ZDHHC21: variants seen among roughly 807,000 people sequenced by gnomAD.
The protein encoded by ZDHHC21 is zDHHC palmitoyltransferase 21.
ZDHHC21 carries 15 observed loss-of-function variants against 34.6 expected under a neutral mutation model. The ratio of observed to expected loss-of-function variants is 0.43; its 90% CI spans 0.29 to 0.67. ZDHHC21 has a LOEUF of 0.67. ZDHHC21 is among the 30% of genes least tolerant of loss of function. The pLI is 0.14. For missense variants in ZDHHC21, 344 were observed against 327.7 expected, an observed-to-expected ratio of 1.05 and a Z score of -0.38; for synonymous variants, 142 against 101.8, an observed-to-expected ratio of 1.40 and a Z score of -2.38.
Position 14,658,421 on chromosome 9 carries a change from T to C in ZDHHC21, c.504+328A>G, listed in dbSNP as rs187629807. The stretch of plus-strand genomic sequence containing the variant: ...ACTTAAAGGAACCACATGTTAATAA[T>C]TGTATGCTACAACTGCTCTAATGTT... On this transcript the variant is annotated intron_variant, in intron 7 of 9. Coordinates refer to ENST00000380916, the MANE Select transcript of ZDHHC21 (RefSeq NM_178566.6). Among the ~76,000 whole-genome samples the C allele has an allele frequency of 3.0e-4, 45 of 151,684 alleles. 1 individual carries two copies. The South Asian group carries it at 6.5e-3, about 22-fold the overall frequency.
intron 8 of ZDHHC21, among the ~76,000 whole-genome samples, chr9:14,629,812 G>T (rs1435966621): frequency 6.6e-6 from 1 of 152,034 alleles, no homozygotes; most frequent in African/African-American, 2.4e-5. Context: ...ATTTTGGAAG[G>T]CCGAGGCAGG....
intron 3 of ZDHHC21, chr9:14,677,311 C>T (rs1012542821): frequency 2.0e-5 from 3 of 151,876 alleles, no homozygotes; most frequent in African/African-American, 7.3e-5. Context: ...ATTGGTAAAA[C>T]TTAGCTCCAC....
At chr9:14,607,590 T>A (rs1179630079), downstream of ZDHHC21, among the ~76,000 whole-genome samples, 3 of 151,556 alleles carry the variant, frequency 2.0e-5, no homozygotes, top group Non-Finnish European at 4.4e-5. Flanking sequence ...TTTTTTCCAT[T>A]TTGTTCTAGA....
At chr9:14,591,424 C>G in the ZDHHC21 span, among the ~76,000 whole-genome samples, 1 of 152,106 alleles carries the variant, frequency 6.6e-6, no homozygotes, top group Non-Finnish European at 1.5e-5. Context: ...TCATCAAACA[C>G]TGAATCTGCT....
the ZDHHC21 span, among the ~76,000 whole-genome samples, chr9:14,602,899 C>T: frequency 7.6e-6 from 1 of 131,038 alleles, no homozygotes; most frequent in African/African-American, 3.1e-5. Flanking sequence ...ATTCCAGCAG[C>T]CTGGAAAACA....
chr9:14,680,393 C>T (rs994044539), intron 2 of ZDHHC21, among the ~76,000 whole-genome samples: 2 of 151,498 alleles, frequency 1.3e-5, no homozygotes, highest in Admixed American at 6.6e-5. Context: ...CCCATAAAAT[C>T]AAATAAGCAT....
chr9:14,606,878 T>C (rs1823029957), downstream of ZDHHC21, among the ~76,000 whole-genome samples: 1 of 152,086 alleles, frequency 6.6e-6, no homozygotes, highest in Non-Finnish European at 1.5e-5. Context: ...ATTACTTTGC[T>C]ACAAATTTTA....
chr9:14,610,263 T>C (rs995849856), downstream of ZDHHC21, among the ~76,000 whole-genome samples: 1 of 151,958 alleles, frequency 6.6e-6, no homozygotes, highest in African/African-American at 2.4e-5. Flanking sequence ...AGAACTGTTG[T>C]AACTTATCAT....
At chr9:14,609,216 AT>A (rs1380315375), downstream of ZDHHC21, among the ~76,000 whole-genome samples, 8 of 152,270 alleles carry the variant, frequency 5.3e-5, no homozygotes, top group Admixed American at 2.6e-4. Context: ...TCTTGAGCAC[AT>A]TTTAAATATT....
chr9:14,653,768 G>C (rs1831679101), intron 7 of ZDHHC21, among the ~76,000 whole-genome samples: 1 of 151,998 alleles, frequency 6.6e-6, no homozygotes, highest in Non-Finnish European at 1.5e-5. Flanking sequence ...CAATTAGGCA[G>C]CAATGATTAA....
chr9:14,676,522 CA>C (rs1836411106), intron 3 of ZDHHC21, among the ~76,000 whole-genome samples: 2 of 151,690 alleles, frequency 1.3e-5, no homozygotes. Context: ...AAAAACAAAA[CA>C]AAAAAAGAAC....
At chr9:14,690,244 G>A (rs564908916) in intron 2 of ZDHHC21, 93 bp downstream of exon 2, 5 of 417,188 alleles carry the variant, frequency 1.2e-5, no homozygotes, top group African/African-American at 2.1e-5. Flanking sequence ...GGGGTTGGGG[G>A]TAGAAGACTA....
intron 7 of ZDHHC21, among the ~76,000 whole-genome samples, chr9:14,650,554 C>A (rs1428325207): frequency 6.6e-6 from 1 of 151,670 alleles, no homozygotes; most frequent in Non-Finnish European, 1.5e-5. Context: ...TTTTAAATAG[C>A]AGAAGTACTC....
At chr9:14,596,994 G>A in the ZDHHC21 span, among the ~76,000 whole-genome samples, 1 of 152,134 alleles carries the variant, frequency 6.6e-6, no homozygotes, top group Non-Finnish European at 1.5e-5. Flanking sequence ...GCCGGGAAAA[G>A]GTAAGTGAGA....
In ZDHHC21 at chr9:14,676,290, C is replaced by T. The variant is rs1041754939; in HGVS notation, c.-45-1905G>A. 7.3e-5 allele frequency among the ~76,000 whole-genome samples: 11 copies of T among 151,670 alleles called. No individual in the cohort carries two copies. The East Asian group carries it at 2.1e-3, about 29-fold the overall frequency. Reference sequence around the variant, plus strand: ...AGGGGAAAGTGTCAAGGGTGATTCCCAGATTTTCAGCCTATATCCCAGTCT... The same window carrying T: ...AGGGGAAAGTGTCAAGGGTGATTCCTAGATTTTCAGCCTATATCCCAGTCT... On this transcript the variant is annotated intron_variant, in intron 3 of 9. Transcript: ENST00000380916.
intron 8 of ZDHHC21, among the ~76,000 whole-genome samples, chr9:14,630,377 C>G (rs561529397): frequency 1.3e-5 from 2 of 152,158 alleles, no homozygotes; most frequent in Non-Finnish European, 2.9e-5. Context: ...TGTAGCAATT[C>G]GGTCACATCT....
chr9:14,596,512 G>A, the ZDHHC21 span, among the ~76,000 whole-genome samples: 6 of 152,282 alleles, frequency 3.9e-5, no homozygotes, highest in Admixed American at 3.9e-4. Flanking sequence ...GCAGAGCAGT[G>A]AGAGTATTCA....
chr9:14,592,109 A>AT, the ZDHHC21 span, among the ~76,000 whole-genome samples: 1 of 151,498 alleles, frequency 6.6e-6, no homozygotes, highest in East Asian at 1.9e-4. Context: ...TGTCTTATAT[A>AT]TTTTTTTCTC....
the ZDHHC21 span, among the ~76,000 whole-genome samples, chr9:14,601,793 A>G: frequency 2.0e-5 from 3 of 152,212 alleles, no homozygotes; most frequent in Non-Finnish European, 4.4e-5. Context: ...TGGCACATAT[A>G]TATCATGGAA....
Sources: allele counts gnomAD v4.1 joint callset (sites outside exome capture counted in the v4.1 genomes callset), GRCh38; gene constraint gnomAD v4.1.1; transcripts MANE v1.5; gene names NCBI Gene and HGNC (gene_info 2026-07-23, HGNC 2026-07-21).